The following CNTNAP2 variants were observed in gnomAD, a reference collection of about 807,000 sequenced individuals.
The protein encoded by CNTNAP2 is contactin associated protein 2, also known as contactin-associated protein-like 2.
CNTNAP2 carries 98 observed loss-of-function variants against 155.2 expected under a neutral mutation model. The ratio of observed to expected loss-of-function variants is 0.63; its 90% confidence interval spans 0.54 to 0.75. CNTNAP2 has a LOEUF of 0.75. CNTNAP2 is among the 30% of genes least tolerant of loss of function. CNTNAP2 has a pLI of 0.00. For missense variants in CNTNAP2, 1,727 were observed against 1,688.1 expected, an observed-to-expected ratio of 1.02 and a Z score of -0.40; for synonymous variants, 651 against 631.2, an observed-to-expected ratio of 1.03 and a Z score of -0.47.
chr7:146,163,103 A>C (rs1369988835), intron 1 of CNTNAP2, among the ~76,000 whole-genome samples: 1 of 152,204 alleles, frequency 6.6e-6, no homozygotes, highest in African/African-American at 2.4e-5. Context: ...ACATTTACAC[A>C]TACGTAACAA....
chr7:147,096,522 T>G (rs554281702), intron 4 of CNTNAP2, among the ~76,000 whole-genome samples: 1 of 152,336 alleles, frequency 6.6e-6, no homozygotes, highest in Non-Finnish European at 1.5e-5. Flanking sequence ...AATATGTCTC[T>G]CTTGGTCATA....
At chr7:146,765,628 A>G (rs993899317) in intron 1 of CNTNAP2, among the ~76,000 whole-genome samples, 22 of 152,220 alleles carry the variant, frequency 1.4e-4, no homozygotes, top group African/African-American at 5.3e-4. Context: ...TGGTATTTAC[A>G]GTCCATTCAA....
intron 11 of CNTNAP2, among the ~76,000 whole-genome samples, chr7:147,523,183 G>T (rs1032025397): frequency 6.6e-6 from 1 of 152,108 alleles, no homozygotes; most frequent in African/African-American, 2.4e-5. Context: ...TTCAAATGCT[G>T]CTGGCAAGTC....
At chr7:147,542,827 G>A (rs1584801812) in intron 11 of CNTNAP2, among the ~76,000 whole-genome samples, 1 of 152,158 alleles carries the variant, frequency 6.6e-6, no homozygotes. Flanking sequence ...TAATTTTCAA[G>A]TGCACTCCCA....
At chr7:146,510,520 A>G (rs1170008921) in intron 1 of CNTNAP2, among the ~76,000 whole-genome samples, 1 of 152,178 alleles carries the variant, frequency 6.6e-6, no homozygotes, top group Admixed American at 6.5e-5. Flanking sequence ...ATTTCTGTGA[A>G]GAATGTAATT....
chr7:147,469,903 T>C (rs1798186516), intron 10 of CNTNAP2, among the ~76,000 whole-genome samples: 1 of 152,122 alleles, frequency 6.6e-6, no homozygotes, highest in African/African-American at 2.4e-5. Context: ...GAAAAAATTA[T>C]CCATGAAGTT....
intron 2 of CNTNAP2, among the ~76,000 whole-genome samples, chr7:146,821,599 T>C (rs1160608485): frequency 1.3e-5 from 2 of 152,186 alleles, no homozygotes; most frequent in Non-Finnish European, 2.9e-5. Flanking sequence ...ATCCAGAATC[T>C]ACAATGAACT....
intron 3 of CNTNAP2, among the ~76,000 whole-genome samples, chr7:147,032,656 G>A (rs907246442): frequency 6.6e-6 from 1 of 151,032 alleles, no homozygotes; most frequent in African/African-American, 2.4e-5. Flanking sequence ...AAACAAGAAA[G>A]GAGGGGAGGA....
At chr7:146,218,441 G>A (rs1437491766) in intron 1 of CNTNAP2, among the ~76,000 whole-genome samples, 11 of 151,980 alleles carry the variant, frequency 7.2e-5, no homozygotes, top group East Asian at 1.9e-4. Context: ...CCTGAGAGGC[G>A]GAGCTTGCAG....
At chr7:147,078,881 C>T (rs1337971137) in intron 4 of CNTNAP2, among the ~76,000 whole-genome samples, 2 of 151,982 alleles carry the variant, frequency 1.3e-5, no homozygotes, top group South Asian at 2.1e-4. Flanking sequence ...TCCCGAGTAG[C>T]TGGGATTACA....
intron 8 of CNTNAP2, among the ~76,000 whole-genome samples, chr7:147,188,055 C>T (rs568672648): frequency 2.0e-5 from 3 of 152,150 alleles, no homozygotes; most frequent in Non-Finnish European, 4.4e-5. Flanking sequence ...AGTGAGACTT[C>T]ATCTCAAATA....
At chr7:148,151,993 G>T (rs556014845) in intron 17 of CNTNAP2, among the ~76,000 whole-genome samples, 1 of 152,154 alleles carries the variant, frequency 6.6e-6, no homozygotes, top group East Asian at 1.9e-4. Flanking sequence ...CCTAGGTTCC[G>T]GAAGGAAGGG....
intron 11 of CNTNAP2, among the ~76,000 whole-genome samples, chr7:147,538,910 A>G (rs965854597): frequency 6.6e-6 from 1 of 152,090 alleles, no homozygotes; most frequent in Non-Finnish European, 1.5e-5. Flanking sequence ...TCAATGTAAG[A>G]AAAAAATTTT....
At chr7:147,309,080 C>A (rs974785695) in intron 9 of CNTNAP2, among the ~76,000 whole-genome samples, 1 of 152,088 alleles carries the variant, frequency 6.6e-6, no homozygotes, top group Admixed American at 6.6e-5. Flanking sequence ...TAATCTTTTC[C>A]TTTTGGCCTT....
intron 1 of CNTNAP2, among the ~76,000 whole-genome samples, chr7:146,380,944 G>A (rs555423117): frequency 2.0e-5 from 3 of 150,132 alleles, no homozygotes; most frequent in Non-Finnish European, 3.0e-5. Flanking sequence ...GACTACAGGC[G>A]CCCGCCACCT....
At chr7:147,022,931 C>T (rs1798841070) in intron 3 of CNTNAP2, among the ~76,000 whole-genome samples, 1 of 152,072 alleles carries the variant, frequency 6.6e-6, no homozygotes, top group Non-Finnish European at 1.5e-5. Context: ...TGTTCATTGA[C>T]TCTATTCTTT....
chr7:146,746,804 G>A (rs7810523), intron 1 of CNTNAP2, among the ~76,000 whole-genome samples: 33 of 152,072 alleles, frequency 2.2e-4, no homozygotes, highest in Non-Finnish European at 3.7e-4. Flanking sequence ...GAATGGTTCT[G>A]ATATTTCAAT....
chr7:147,315,395 C>A (rs912891020), intron 9 of CNTNAP2, among the ~76,000 whole-genome samples: 3 of 150,196 alleles, frequency 2.0e-5, no homozygotes, highest in African/African-American at 7.3e-5. Context: ...ACTCTGAATT[C>A]TTCCACAAAA....
intron 8 of CNTNAP2, among the ~76,000 whole-genome samples, chr7:147,258,464 A>AT (rs1217584513): frequency 6.6e-6 from 1 of 151,914 alleles, no homozygotes; most frequent in Non-Finnish European, 1.5e-5. Flanking sequence ...AAGTCCTTAG[A>AT]TTTTTTCCTT....
Sources: gnomAD v4.1 joint callset for allele counts (sites outside exome capture counted in the v4.1 genomes callset) on GRCh38, gnomAD v4.1.1 for gene constraint, MANE v1.5 for transcripts, NCBI Gene and HGNC (gene_info 2026-07-23, HGNC 2026-07-21) for gene names.